Variants in RIF1 observed in about 807,000 individuals in gnomAD.
RIF1 encodes the protein replication timing regulatory factor 1.
In RIF1, 45 loss-of-function variants were observed where a neutral mutation model predicts 247.1. The observed-to-expected ratio is 0.18, with a 90% CI of 0.14 to 0.23. The LOEUF is 0.23. Ranked by LOEUF, RIF1 falls within the 10% of genes least tolerant of loss-of-function variation. The pLI, the probability that RIF1 is intolerant of heterozygous loss-of-function variation, is 1.00. For synonymous variants in RIF1, 1,087 were observed against 978.8 expected, an observed-to-expected ratio of 1.11 and a Z score of -2.06; for missense variants, 2,967 against 2,862.5, an observed-to-expected ratio of 1.04 and a Z score of -0.83.
At chr2:151,449,373 C>T (rs150807984) in intron 20 of RIF1, among the ~76,000 whole-genome samples, 1 of 152,234 alleles carries the variant, frequency 6.6e-6, no homozygotes, top group East Asian at 1.9e-4. Context: ...GAAAACTGTT[C>T]TTCACCAATT....
chr2:151,465,015 T>A lies in RIF1; in HGVS notation c.5495T>A (p.Val1832Glu). The stretch of plus-strand genomic sequence containing the variant: ...CAAGAATCTCTTCCTTCTGGAATAG[T>A]AAACTTTAGAGAGGAAATTTGTGAT... The part of the protein sequence containing the change: ...TMQESLPSGI[V>E]NFREEICDMD... Residue 1832 changes from valine (V) to glutamate (E), a missense_variant, in exon 30 of 36, where the codon GTA (valine) becomes GAA (glutamate). Val to Glu is a moderately radical substitution (Grantham distance 121). Transcript: ENST00000444746. 1 of 1,578,176 alleles carries A rather than the reference T, an allele frequency of 6.3e-7. No individual in the cohort carries two copies. The highest frequency in any genetic ancestry group is 1.4e-5 in the African/African-American group (1 of 72,626).
In RIF1 at chr2:151,479,607, G is replaced by A. The variant is rs934332125; in HGVS notation, c.*4536G>A. 3 of 152,028 alleles carry A rather than the reference G, an allele frequency of 2.0e-5. No homozygotes were observed. The highest frequency in any genetic ancestry group is 1.9e-4 in the East Asian group (1 of 5,182). 9.4% of individuals were successfully genotyped at this position (152,028 alleles called of 1,614,324 possible). On this transcript the variant is annotated 3_prime_UTR_variant, in exon 36 of 36. Transcript: ENST00000444746. ...CAGATATGCCCTGTCATTATACTGC[G>A]GACCTCTGGTCACTTAATTTTCTGT...
At chr2:151,525,980 TC>T in the RIF1 span, 5 of 1,613,888 alleles carry the variant, frequency 3.1e-6, no homozygotes, top group African/African-American at 1.3e-5. Flanking sequence ...CTTGGTCACT[TC>T]CTTGACGTGA....
chr2:151,500,761 C>CTAAT (rs2063855000), intron 11 of RIF1, among the ~76,000 whole-genome samples: 1 of 151,988 alleles, frequency 6.6e-6, no homozygotes, highest in South Asian at 2.1e-4. Context: ...CCACGCTTGG[C>CTAAT]TAATTTTTTC....
intron 8 of RIF1, among the ~76,000 whole-genome samples, chr2:151,428,102 G>A (rs2152277548): frequency 6.6e-6 from 1 of 151,928 alleles, no homozygotes; most frequent in South Asian, 2.1e-4. Context: ...GGTAGTATTA[G>A]CCAGTAATCC....
downstream of RIF1, chr2:151,508,023 G>A (rs760128419): frequency 1.2e-6 from 2 of 1,608,588 alleles, no homozygotes; most frequent in Non-Finnish European, 1.7e-6. Flanking sequence ...AGTTCTTTTG[G>A]TTCTCCCGGA....
intron 30 of RIF1, among the ~76,000 whole-genome samples, chr2:151,467,315 A>G (rs1435074895): frequency 1.3e-5 from 2 of 152,168 alleles, no homozygotes; most frequent in Non-Finnish European, 2.9e-5. Flanking sequence ...TCTTCTGCTG[A>G]GAATCTAGAG....
In RIF1 at chr2:151,505,314, T is replaced by C. The variant is rs541884621; in HGVS notation, c.*862-896T>C. ...TGATTATGAGAAAAGTGGTTTCTTA[T>C]CTACTTTTGCAACCTGTAGTGACCC... On this transcript the variant is annotated intron_variant and NMD_transcript_variant, in intron 12 of 13. Coordinates refer to the RIF1 transcript ENST00000454583. Among the ~76,000 whole-genome samples the C allele has an allele frequency of 6.6e-6, 1 of 152,162 alleles. No individual in the cohort carries two copies. Among genetic ancestry groups the C allele is most frequent in the African/African-American group, 2.4e-5 (1 of 41,428 alleles).
At chr2:151,471,508 AC>A (rs1162236260) in intron 34 of RIF1, among the ~76,000 whole-genome samples, 1 of 152,208 alleles carries the variant, frequency 6.6e-6, no homozygotes, top group Admixed American at 6.5e-5. Flanking sequence ...TTTAGGTCTT[AC>A]AGTTAAATCT....
At chr2:151,503,531 A>G (rs2066378054) in intron 12 of RIF1, 2 of 786,364 alleles carry the variant, frequency 2.5e-6, no homozygotes, top group Non-Finnish European at 4.3e-6. Flanking sequence ...GGGGAAACTC[A>G]TAAAAACAAT....
chr2:151,514,425 C>G, the RIF1 span: 4 of 1,602,130 alleles, frequency 2.5e-6, no homozygotes, highest in African/African-American at 2.7e-5. Flanking sequence ...TTCCTGTACT[C>G]TTTCTATATC....
chr2:151,533,602 C>G, the RIF1 span: 1 of 1,141,576 alleles, frequency 8.8e-7, no homozygotes. Context: ...CAGAAAAGAA[C>G]ACGGCTCTAT....
chr2:151,467,682 A>G (rs1281517335), intron 30 of RIF1, among the ~76,000 whole-genome samples: 1 of 152,134 alleles, frequency 6.6e-6, no homozygotes, highest in Non-Finnish European at 1.5e-5. Context: ...TAGTCTGGTA[A>G]TCCCATAAAG....
At chr2:151,422,552 G>A (rs1688364256) in intron 7 of RIF1, among the ~76,000 whole-genome samples, 1 of 151,464 alleles carries the variant, frequency 6.6e-6, no homozygotes, top group African/African-American at 2.4e-5. Flanking sequence ...CAGGCTGGAG[G>A]ACAGTGGCAC....
chr2:151,508,435 G>T (rs886072412), downstream of RIF1, among the ~76,000 whole-genome samples: 3 of 152,228 alleles, frequency 2.0e-5, no homozygotes, highest in Admixed American at 2.0e-4. Context: ...AGATGGGGAT[G>T]CCTCCAGTGG....
intron 6 of RIF1, 97 bp downstream of exon 6, chr2:151,416,998 AG>A: frequency 3.8e-6 from 3 of 794,824 alleles, no homozygotes; most frequent in East Asian, 2.7e-5. Context: ...AGACATTAAA[AG>A]GGGGGAATGT....
chr2:151,426,733 G>C (rs1024803176), intron 8 of RIF1, among the ~76,000 whole-genome samples: 1 of 151,338 alleles, frequency 6.6e-6, no homozygotes, highest in African/African-American at 2.4e-5. Context: ...TGCAACCTCA[G>C]CCTCCCGGGT....
rs1190888534 is a variant in RIF1 at position 151,476,484 on chromosome 2, T to C, written c.*1413T>C. Reference sequence around the variant, plus strand: ...CACATTTTATTCAGAAGCTAATCCCTACTTAGCAAGGCACACATTCTACAG... The same window carrying C: ...CACATTTTATTCAGAAGCTAATCCCCACTTAGCAAGGCACACATTCTACAG... On this transcript the variant is annotated 3_prime_UTR_variant, in exon 36 of 36. Transcript: ENST00000444746. 6.6e-6 allele frequency: 1 copy of C among 152,176 alleles called. No homozygotes were observed. The highest frequency in any genetic ancestry group is 1.9e-4 in the East Asian group (1 of 5,186). 9.4% of individuals were successfully genotyped at this position (152,176 alleles called of 1,614,324 possible). A position where few individuals can be genotyped will look rare whatever the true frequency, so the allele number is the denominator to read the frequency against.
the RIF1 span, among the ~76,000 whole-genome samples, chr2:151,523,745 G>T: frequency 3.3e-5 from 5 of 152,292 alleles, no homozygotes; most frequent in Admixed American, 2.0e-4. Context: ...CAAGAATGTG[G>T]CATTCTCCAT....
Sources: gnomAD v4.1 joint callset for allele counts (sites outside exome capture counted in the v4.1 genomes callset) on GRCh38, gnomAD v4.1.1 for gene constraint, MANE v1.5 for transcripts, NCBI Gene and HGNC (gene_info 2026-07-23, HGNC 2026-07-21) for gene names.